The following ASIC2 variants were observed in gnomAD, a reference collection of about 807,000 sequenced individuals.
ASIC2 encodes acid sensing ion channel subunit 2, also known as acid-sensing ion channel 2.
Under a neutral mutation model 57.3 loss-of-function variants are expected in ASIC2, and 25 were observed. That is an observed-to-expected ratio of 0.44 (90% CI 0.32 to 0.61). ASIC2 has a LOEUF of 0.61. ASIC2 is among the 20% of genes least tolerant of loss of function. The pLI is 0.06. For synonymous variants in ASIC2, 319 were observed against 307.5 expected, an observed-to-expected ratio of 1.04 and a Z score of -0.39; for missense variants, 641 against 738.1, an observed-to-expected ratio of 0.87 and a Z score of 1.52.
At chr17:33,983,158 A>G (rs12941090) in intron 1 of ASIC2, among the ~76,000 whole-genome samples, 1 of 152,180 alleles carries the variant, frequency 6.6e-6, no homozygotes, top group Non-Finnish European at 1.5e-5. Flanking sequence ...AAAACATAAT[A>G]TGTGCACATG....
intron 3 of ASIC2, among the ~76,000 whole-genome samples, chr17:33,033,999 T>C (rs956089589): frequency 6.6e-6 from 1 of 151,988 alleles, no homozygotes; most frequent in Non-Finnish European, 1.5e-5. Flanking sequence ...GATGATCAGC[T>C]GCAGAGAGGT....
intron 1 of ASIC2, among the ~76,000 whole-genome samples, chr17:33,850,368 T>C (rs922396140): frequency 1.3e-5 from 2 of 152,256 alleles, no homozygotes; most frequent in South Asian, 4.1e-4. Context: ...ACATATCCTA[T>C]TTGCTATCAT....
intron 1 of ASIC2, among the ~76,000 whole-genome samples, chr17:33,629,919 G>A (rs1279094218): frequency 6.6e-6 from 1 of 152,188 alleles, no homozygotes; most frequent in Non-Finnish European, 1.5e-5. Context: ...GTACCATGAG[G>A]CTCAGCAAGA....
chr17:33,669,491 A>G (rs1305370966), intron 1 of ASIC2, among the ~76,000 whole-genome samples: 1 of 152,180 alleles, frequency 6.6e-6, no homozygotes, highest in African/African-American at 2.4e-5. Flanking sequence ...CATGGAAGAG[A>G]TTCCTCATTT....
At chr17:33,798,996 T>C (rs1440024226) in intron 1 of ASIC2, among the ~76,000 whole-genome samples, 1 of 152,200 alleles carries the variant, frequency 6.6e-6, no homozygotes, top group Non-Finnish European at 1.5e-5. Context: ...TCTGTGTCCC[T>C]GGAGCTGCAT....
At chr17:33,817,211 A>G (rs1205595596) in intron 1 of ASIC2, among the ~76,000 whole-genome samples, 2 of 152,222 alleles carry the variant, frequency 1.3e-5, no homozygotes, top group East Asian at 3.8e-4. Flanking sequence ...CCCAGGATGC[A>G]TCCTTACCTG....
intron 1 of ASIC2, among the ~76,000 whole-genome samples, chr17:33,663,691 G>T (rs1907374682): frequency 6.6e-6 from 1 of 152,100 alleles, no homozygotes; most frequent in Non-Finnish European, 1.5e-5. Context: ...CAGCAGTGGG[G>T]GTATGGGGAC....
At chr17:33,366,534 C>G (rs777605913) in intron 1 of ASIC2, among the ~76,000 whole-genome samples, 7 of 152,198 alleles carry the variant, frequency 4.6e-5, no homozygotes, top group Non-Finnish European at 8.8e-5. Flanking sequence ...CTCCAGGGAG[C>G]CTTCTTTGAC....
At chr17:33,538,263 A>G (rs1206170417) in intron 1 of ASIC2, among the ~76,000 whole-genome samples, 1 of 152,148 alleles carries the variant, frequency 6.6e-6, no homozygotes, top group Non-Finnish European at 1.5e-5. Flanking sequence ...AAAATGGTGA[A>G]TGATTAGGTC....
At chr17:33,697,099 G>A (rs576617496) in intron 1 of ASIC2, among the ~76,000 whole-genome samples, 57 of 152,144 alleles carry the variant, frequency 3.7e-4, no homozygotes, top group African/African-American at 1.3e-3. Context: ...CTCCTGCTCT[G>A]GCCATGTGAT....
chr17:33,145,663 A>G (rs1441173993), intron 1 of ASIC2, among the ~76,000 whole-genome samples: 2 of 152,178 alleles, frequency 1.3e-5, no homozygotes, highest in Admixed American at 1.3e-4. Context: ...TTTGAATCTC[A>G]ATTTCTTCAT....
At chr17:33,848,549 T>C (rs188827) in intron 1 of ASIC2, among the ~76,000 whole-genome samples, 88,089 of 152,068 alleles carry the variant, frequency 0.58, 26,214 homozygotes, top group East Asian at 0.92. Context: ...TAGGGACTCA[T>C]ACTAATCTTT....
intron 4 of ASIC2, among the ~76,000 whole-genome samples, 158 bp from the exon 5 acceptor site, chr17:33,026,140 C>A (rs545920476): frequency 1.3e-5 from 2 of 152,226 alleles, no homozygotes; most frequent in Admixed American, 6.5e-5. Flanking sequence ...GATCACAGTG[C>A]ACCCCAGAGC....
chr17:33,289,837 G>A (rs77841418), intron 1 of ASIC2, among the ~76,000 whole-genome samples: 1 of 152,196 alleles, frequency 6.6e-6, no homozygotes, highest in East Asian at 1.9e-4. Flanking sequence ...CAGGAGCGAG[G>A]GCCTGTTGCT....
chr17:33,334,522 A>G (rs1296215651), intron 1 of ASIC2, among the ~76,000 whole-genome samples: 1 of 152,204 alleles, frequency 6.6e-6, no homozygotes, highest in East Asian at 1.9e-4. Flanking sequence ...TTTTGTGACC[A>G]CAGCCATCTA....
intron 1 of ASIC2, among the ~76,000 whole-genome samples, chr17:33,696,719 C>T (rs1908540175): frequency 6.6e-6 from 1 of 152,202 alleles, no homozygotes; most frequent in Admixed American, 6.5e-5. Context: ...AGAAGCCAAA[C>T]TGATAACACA....
intron 1 of ASIC2, among the ~76,000 whole-genome samples, chr17:33,425,288 A>C (rs1911178255): frequency 6.6e-6 from 1 of 152,250 alleles, no homozygotes; most frequent in Admixed American, 6.5e-5. Flanking sequence ...TATTCAGAGA[A>C]GAAAGAAAGG....
intron 1 of ASIC2, among the ~76,000 whole-genome samples, chr17:33,476,535 A>ATATG (rs1491353193): frequency 1.2e-4 from 11 of 95,102 alleles, no homozygotes; most frequent in African/African-American, 5.1e-4. Context: ...ATATATATAT[A>ATATG]TGTACAGGGG....
chr17:33,902,615 T>A (rs1915254617), intron 1 of ASIC2, among the ~76,000 whole-genome samples: 1 of 152,042 alleles, frequency 6.6e-6, no homozygotes, highest in Non-Finnish European at 1.5e-5. Flanking sequence ...CTGGGGCAGG[T>A]TCCAGGATTG....
Sources: allele counts gnomAD v4.1 joint callset (sites outside exome capture counted in the v4.1 genomes callset), GRCh38; gene constraint gnomAD v4.1.1; transcripts MANE v1.5; gene names NCBI Gene and HGNC (gene_info 2026-07-23, HGNC 2026-07-21).